Variants in EXOC6B observed in about 807,000 individuals in gnomAD.
EXOC6B encodes exocyst complex component 6B.
Under a neutral mutation model 113.5 loss-of-function variants are expected in EXOC6B, and 54 were observed. The ratio of observed to expected loss-of-function variants is 0.48; its 90% confidence interval spans 0.38 to 0.60. EXOC6B has a LOEUF of 0.60. Among genes scored for constraint, EXOC6B ranks in the 20% least tolerant of loss-of-function variants. EXOC6B has a pLI of 0.00. For missense variants in EXOC6B, 797 were observed against 977.5 expected, an observed-to-expected ratio of 0.82 and a Z score of 2.46; for synonymous variants, 357 against 339.0, an observed-to-expected ratio of 1.05 and a Z score of -0.58.
chr2:72,515,359 A>G, intron 8 of EXOC6B: 1 of 1,083,280 alleles, frequency 9.2e-7, no homozygotes, highest in African/African-American at 1.6e-5. Context: ...GGAACCTACC[A>G]GAACTTAATC....
intron 6 of EXOC6B, among the ~76,000 whole-genome samples, chr2:72,603,242 A>G (rs1670538289): frequency 6.6e-6 from 1 of 152,038 alleles, no homozygotes; most frequent in African/African-American, 2.4e-5. Context: ...AGATCCAGAC[A>G]AGAGGCCTGC....
At chr2:72,671,799 GAAAGAAAGAAAGAAAGAA>G (rs1675877241) in intron 6 of EXOC6B, among the ~76,000 whole-genome samples, 4 of 117,612 alleles carry the variant, frequency 3.4e-5, no homozygotes, top group Admixed American at 9.2e-5. Flanking sequence ...AAGAAAGAAA[GAAAGAAAGAAAGAAAGAA>G]AGAAGAGAAA....
chr2:72,358,978 AT>A (rs1470822920), intron 19 of EXOC6B, among the ~76,000 whole-genome samples: 2 of 152,176 alleles, frequency 1.3e-5, no homozygotes, highest in African/African-American at 4.8e-5. Flanking sequence ...CACTCAAAAA[AT>A]ATTTATTATT....
At chr2:72,584,528 C>A (rs1414604393) in intron 6 of EXOC6B, among the ~76,000 whole-genome samples, 1 of 152,146 alleles carries the variant, frequency 6.6e-6, no homozygotes, top group Non-Finnish European at 1.5e-5. Context: ...TTCTTCTTGA[C>A]CTAAGAAAAG....
At chr2:72,368,289 A>G (rs1359446432) in intron 19 of EXOC6B, among the ~76,000 whole-genome samples, 2 of 152,210 alleles carry the variant, frequency 1.3e-5, no homozygotes, top group African/African-American at 2.4e-5. Context: ...TCCTCGACAC[A>G]TACACACTCC....
intron 21 of EXOC6B, chr2:72,182,794 C>T: frequency 5.7e-6 from 5 of 870,142 alleles, no homozygotes; most frequent in Non-Finnish European, 7.6e-6. Context: ...GGGGACAACT[C>T]AGAGGCTAGG....
intron 1 of EXOC6B, among the ~76,000 whole-genome samples, chr2:72,783,201 C>G (rs987981204): frequency 3.8e-5 from 5 of 130,118 alleles, no homozygotes; most frequent in African/African-American, 1.5e-4. Flanking sequence ...TTTTTTTTGT[C>G]TTTTTAATAA....
chr2:72,325,034 A>C (rs569262466), intron 20 of EXOC6B, among the ~76,000 whole-genome samples: 1 of 152,226 alleles, frequency 6.6e-6, no homozygotes, highest in African/African-American at 2.4e-5. Context: ...GTATATTCTT[A>C]GCCAGTGTTA....
chr2:72,788,961 G>C (rs529553779), intron 1 of EXOC6B, among the ~76,000 whole-genome samples: 1 of 152,216 alleles, frequency 6.6e-6, no homozygotes, highest in Non-Finnish European at 1.5e-5. Context: ...CCTGGACTGA[G>C]TCACAACTTC....
chr2:72,245,192 A>T (rs1430480857), intron 20 of EXOC6B, among the ~76,000 whole-genome samples: 4 of 152,210 alleles, frequency 2.6e-5, no homozygotes, highest in Non-Finnish European at 5.9e-5. Flanking sequence ...TTACTGAAGG[A>T]GAAGAATGTC....
chr2:72,250,516 T>G (rs904087997), intron 20 of EXOC6B, among the ~76,000 whole-genome samples: 4 of 146,452 alleles, frequency 2.7e-5, no homozygotes, highest in Admixed American at 6.9e-5. Context: ...CTAATTTTTG[T>G]TTTTTTTTGT....
chr2:72,219,105 G>C (rs1680712943), intron 20 of EXOC6B, among the ~76,000 whole-genome samples: 1 of 152,166 alleles, frequency 6.6e-6, no homozygotes, highest in Non-Finnish European at 1.5e-5. Flanking sequence ...GCATTCCATA[G>C]TGATAATACT....
At chr2:72,274,605 T>C (rs1684701605) in intron 20 of EXOC6B, among the ~76,000 whole-genome samples, 3 of 152,122 alleles carry the variant, frequency 2.0e-5, no homozygotes. Flanking sequence ...TATATGTGTG[T>C]CCTAACTGAA....
At chr2:72,375,238 C>T (rs1489810118) in intron 19 of EXOC6B, among the ~76,000 whole-genome samples, 1 of 152,066 alleles carries the variant, frequency 6.6e-6, no homozygotes, top group Non-Finnish European at 1.5e-5. Context: ...CAACTCCTCT[C>T]AGTAATTGAT....
At chr2:72,645,175 G>T (rs1255377761) in intron 6 of EXOC6B, among the ~76,000 whole-genome samples, 1 of 152,068 alleles carries the variant, frequency 6.6e-6, no homozygotes, top group Non-Finnish European at 1.5e-5. Context: ...AACCAACAAA[G>T]ATCAAAAGAG....
chr2:72,401,102 A>C (rs1693119145), intron 18 of EXOC6B, among the ~76,000 whole-genome samples: 1 of 151,976 alleles, frequency 6.6e-6, no homozygotes, highest in Admixed American at 6.6e-5. Flanking sequence ...ATAAATATAG[A>C]TACAACATTT....
intron 20 of EXOC6B, among the ~76,000 whole-genome samples, chr2:72,319,557 A>G (rs991878557): frequency 6.6e-6 from 1 of 152,262 alleles, no homozygotes; most frequent in African/African-American, 2.4e-5. Context: ...GAGATTCAAC[A>G]TCAACGTACA....
rs1680566634 is a variant in EXOC6B at position 72,730,500 on chromosome 2, T to A, written c.464+507A>T. On this transcript the variant is annotated intron_variant, in intron 5 of 21. Transcript: ENST00000272427. ...TGCTGGACTACACTGCAGCTTTTGC[T>A]ATACTTGCTATACTCCACAATCATG... Among the ~76,000 whole-genome samples the A allele has an allele frequency of 2.0e-5, 3 of 151,990 alleles. No homozygotes were observed. The South Asian group carries it at 6.2e-4, about 32-fold the overall frequency.
chr2:72,746,553 G>T (rs1341522977), intron 1 of EXOC6B, among the ~76,000 whole-genome samples: 1 of 151,940 alleles, frequency 6.6e-6, no homozygotes. Flanking sequence ...TTATAAAATG[G>T]CACTTGAGTA....
Sources: gnomAD v4.1 joint callset for allele counts (sites outside exome capture counted in the v4.1 genomes callset) on GRCh38, gnomAD v4.1.1 for gene constraint, MANE v1.5 for transcripts, NCBI Gene and HGNC (gene_info 2026-07-23, HGNC 2026-07-21) for gene names.